NUFIP2: variants seen among roughly 807,000 people sequenced by gnomAD.
NUFIP2 encodes the protein FMR1-interacting protein NUFIP2.
A neutral mutation model predicts 56.9 loss-of-function variants in NUFIP2; 6 were observed. That is an observed-to-expected ratio of 0.11 (90% CI 0.06 to 0.21). NUFIP2 has a LOEUF of 0.21. NUFIP2 is among the 10% of genes least tolerant of loss of function. NUFIP2 has a pLI of 1.00. For synonymous variants in NUFIP2, 321 were observed against 298.2 expected (o/e 1.08, Z -0.79); for missense variants, 828 against 826.8 (o/e 1.00, Z -0.02).
Position 29,264,528 on chromosome 17 carries a change from A to G in NUFIP2, c.*11T>C, listed in dbSNP as rs2153010624. ...TGCTGCAGAAAGGTTACGAATAGGCAGTCTGGTCCTTCATTGATCTGGACT... is the reference window on the plus strand; with the variant it reads ...TGCTGCAGAAAGGTTACGAATAGGCGGTCTGGTCCTTCATTGATCTGGACT... On this transcript the variant is annotated 3_prime_UTR_variant, in exon 4 of 4. Coordinates refer to ENST00000225388, the MANE Select transcript of NUFIP2 (RefSeq NM_020772.3). 6.3e-7 allele frequency: 1 copy of G among 1,597,584 alleles called. No individual in the cohort carries two copies. The highest frequency in any genetic ancestry group is 8.6e-7 in the Non-Finnish European group (1 of 1,165,438).
chr17:29,281,538 TAA>T (rs778675663), intron 2 of NUFIP2, among the ~76,000 whole-genome samples: 33 of 147,216 alleles, frequency 2.2e-4, no homozygotes, highest in Middle Eastern at 6.8e-3. Context: ...TATAAAAAGC[TAA>T]AAGAGGCCAG....
At chr17:29,271,469 G>A (rs2069071829) in intron 2 of NUFIP2, among the ~76,000 whole-genome samples, 1 of 151,804 alleles carries the variant, frequency 6.6e-6, no homozygotes, top group Non-Finnish European at 1.5e-5. Context: ...CCCCGTAGAC[G>A]GAGGTTGCAG....
intron 1 of NUFIP2, among the ~76,000 whole-genome samples, chr17:29,288,929 A>ACAGCAGT (rs1186369392): frequency 9.2e-5 from 14 of 152,304 alleles, no homozygotes; most frequent in African/African-American, 3.4e-4. Context: ...AGGCAGGCAG[A>ACAGCAGT]CTGCTGGAGT....
chr17:29,280,517 AG>A (rs1202858492), intron 2 of NUFIP2, among the ~76,000 whole-genome samples: 1 of 152,008 alleles, frequency 6.6e-6, no homozygotes, highest in East Asian at 1.9e-4. Context: ...ACTTGAGGGC[AG>A]GAATTCCAGA....
intron 2 of NUFIP2, among the ~76,000 whole-genome samples, chr17:29,268,507 TTTTA>T (rs955050284): frequency 7.2e-5 from 11 of 151,978 alleles, no homozygotes; most frequent in Admixed American, 1.3e-4. Flanking sequence ...TCTTTTTTAT[TTTTA>T]TTTATTTATT....
At chr17:29,265,756 A>T (rs1047757849) in intron 3 of NUFIP2, among the ~76,000 whole-genome samples, 1 of 146,480 alleles carries the variant, frequency 6.8e-6, no homozygotes, top group East Asian at 2.0e-4. Flanking sequence ...TGGTCACCCA[A>T]TGGAAAATTT....
chr17:29,292,638 G>T (rs1179060966), intron 1 of NUFIP2, among the ~76,000 whole-genome samples: 1 of 140,358 alleles, frequency 7.1e-6, no homozygotes, highest in Non-Finnish European at 1.5e-5. Context: ...TAGGAGCGCC[G>T]CGGCCGCCGC....
At chr17:29,273,940 T>C (rs1252603256) in intron 2 of NUFIP2, among the ~76,000 whole-genome samples, 1 of 151,818 alleles carries the variant, frequency 6.6e-6, no homozygotes, top group Admixed American at 6.6e-5. Flanking sequence ...TCCAAGTTGA[T>C]TGAAAAAAAA....
Position 29,264,356 on chromosome 17 carries a change from A to C in NUFIP2, c.*183T>G. ...TTCCTTAAGAAGTCTAATTACTTTC[A>C]GTTGCCTTTTTTAAATAACTATATA... On this transcript the variant is annotated 3_prime_UTR_variant, in exon 4 of 4. Transcript: ENST00000225388. 4.9e-6 allele frequency: 1 copy of C among 202,732 alleles called. No individual in the cohort carries two copies. Among genetic ancestry groups the C allele is most frequent in the East Asian group, 1.2e-4 (1 of 8,396 alleles). The allele number at this position is 202,732 out of a possible 1,614,324, so 12.6% of individuals were successfully genotyped here.
At chr17:29,267,166 AG>A (rs2069042399) in intron 3 of NUFIP2, among the ~76,000 whole-genome samples, 1 of 151,000 alleles carries the variant, frequency 6.6e-6, no homozygotes, top group Non-Finnish European at 1.5e-5. Context: ...AGCCTCCCAA[AG>A]TGCTAGGATT....
chr17:29,293,071 G>A (rs1373674120), intron 1 of NUFIP2, among the ~76,000 whole-genome samples: 2 of 151,726 alleles, frequency 1.3e-5, no homozygotes, highest in Non-Finnish European at 2.9e-5. Flanking sequence ...CGGACAGGAA[G>A]CGGCCCCGCG....
chr17:29,280,443 C>A (rs2069133009), intron 2 of NUFIP2, among the ~76,000 whole-genome samples: 1 of 152,164 alleles, frequency 6.6e-6, no homozygotes, highest in African/African-American at 2.4e-5. Flanking sequence ...AGAGCCATCA[C>A]AAGCTAAGCA....
At chr17:29,289,301 C>A (rs994772404) in intron 1 of NUFIP2, among the ~76,000 whole-genome samples, 1 of 152,094 alleles carries the variant, frequency 6.6e-6, no homozygotes, top group Non-Finnish European at 1.5e-5. Context: ...TCATTAGAAA[C>A]AGATATACAG....
intron 2 of NUFIP2, among the ~76,000 whole-genome samples, chr17:29,280,754 G>A (rs1018476194): frequency 6.6e-6 from 1 of 152,164 alleles, no homozygotes; most frequent in Admixed American, 6.6e-5. Context: ...CGGAGGCGGA[G>A]GTGGGCGGAG....
chr17:29,258,088 T>C lies in NUFIP2; in HGVS notation c.*6451A>G, dbSNP rs911673125. ...TCCAATTTTTTTTTTTTAATATACA[T>C]GCAAGGCACATTGATATAAAAATAG... On this transcript the variant is annotated 3_prime_UTR_variant, in exon 4 of 4. Coordinates refer to ENST00000225388, the MANE Select transcript of NUFIP2 (RefSeq NM_020772.3). 2.0e-5 allele frequency: 3 copies of C among 152,042 alleles called. No individual in the cohort carries two copies. The highest frequency in any genetic ancestry group is 3.8e-4 in the East Asian group (2 of 5,200). 9.4% of individuals were successfully genotyped at this position (152,042 alleles called of 1,614,324 possible). A position where few individuals can be genotyped will look rare whatever the true frequency, so the allele number is the denominator to read the frequency against.
At chr17:29,279,337 G>A (rs2069126617) in intron 2 of NUFIP2, among the ~76,000 whole-genome samples, 1 of 151,966 alleles carries the variant, frequency 6.6e-6, no homozygotes, top group African/African-American at 2.4e-5. Context: ...CAATCTAAAA[G>A]CTTTTTAAAA....
At position 29,261,404 on chromosome 17, in the gene NUFIP2, A is replaced by T. The variant is rs1294892414; in HGVS notation, c.*3135T>A. The T allele has an allele frequency of 3.5e-5, 5 of 142,372 alleles. No homozygotes were observed. Among genetic ancestry groups the T allele is most frequent in the African/African-American group, 1.1e-4 (4 of 35,582 alleles). The allele number at this position is 142,372 out of a possible 1,614,324, so 8.8% of individuals were successfully genotyped here. ...ATCTTTTCCTCACACACACATACAT[A>T]CATACATAAACACACACACACACAC... On this transcript the variant is annotated 3_prime_UTR_variant, in exon 4 of 4. Coordinates refer to ENST00000225388, the MANE Select transcript of NUFIP2 (RefSeq NM_020772.3).
At chr17:29,273,726 C>G (rs1350176712) in intron 2 of NUFIP2, among the ~76,000 whole-genome samples, 1 of 152,020 alleles carries the variant, frequency 6.6e-6, no homozygotes, top group Non-Finnish European at 1.5e-5. Context: ...TAAGATATAC[C>G]AAGTAGGCAA....
At chr17:29,272,538 C>T (rs1026966066) in intron 2 of NUFIP2, among the ~76,000 whole-genome samples, 1 of 152,052 alleles carries the variant, frequency 6.6e-6, no homozygotes, top group Non-Finnish European at 1.5e-5. Flanking sequence ...CTGCACCTGG[C>T]CCCTCGTTTG....
Sources: allele counts gnomAD v4.1 joint callset (sites outside exome capture counted in the v4.1 genomes callset), GRCh38; gene constraint gnomAD v4.1.1; transcripts MANE v1.5; gene names NCBI Gene and HGNC (gene_info 2026-07-23, HGNC 2026-07-21).